Variants in CRISPLD2 observed in about 807,000 individuals in gnomAD.
CRISPLD2 encodes the protein cysteine-rich secretory protein LCCL domain-containing 2.
Under a neutral mutation model 71.1 loss-of-function variants are expected in CRISPLD2, and 47 were observed. The ratio of observed to expected loss-of-function variants is 0.66; its 90% CI spans 0.52 to 0.84. CRISPLD2 has a LOEUF of 0.84. Among genes scored for constraint, CRISPLD2 ranks in the 40% least tolerant of loss-of-function variants. The pLI, the probability that CRISPLD2 is intolerant of heterozygous loss-of-function variation, is 0.00. For missense variants in CRISPLD2, 830 were observed against 651.1 expected, an observed-to-expected ratio of 1.27 and a Z score of -2.99; for synonymous variants, 317 against 250.1, an observed-to-expected ratio of 1.27 and a Z score of -2.52.
At position 84,907,264 on chromosome 16, in the gene CRISPLD2, C is replaced by T. The variant is rs924791956; in HGVS notation, c.*622C>T. 6.2e-6 allele frequency: 1 copy of T among 162,290 alleles called. No homozygotes were observed. The highest frequency in any genetic ancestry group is 6.1e-5 in the Admixed American group (1 of 16,346). 10.1% of individuals were successfully genotyped at this position (162,290 alleles called of 1,614,324 possible). ...ACGTGTCCTTGCTGGCGGCCCGCCACAGGCCCCCTTCAATGGCCGCATTCA... is the reference window on the plus strand; with the variant it reads ...ACGTGTCCTTGCTGGCGGCCCGCCATAGGCCCCCTTCAATGGCCGCATTCA... On this transcript the variant is annotated 3_prime_UTR_variant, in exon 15 of 15. Transcript: ENST00000262424.
At chr16:84,876,104 C>T (rs1050708501) in intron 11 of CRISPLD2, among the ~76,000 whole-genome samples, 2 of 152,220 alleles carry the variant, frequency 1.3e-5, no homozygotes, top group South Asian at 2.1e-4. Context: ...ACCTATTCCA[C>T]ATCATCTATA....
intron 13 of CRISPLD2, among the ~76,000 whole-genome samples, chr16:84,881,210 C>T (rs1295921309): frequency 6.6e-6 from 1 of 152,176 alleles, no homozygotes; most frequent in Non-Finnish European, 1.5e-5. Context: ...TCCCAGCTCT[C>T]CGGATGCATT....
chr16:84,889,752 T>TTGTGTGTGTGTGTG (rs60555979), intron 14 of CRISPLD2, among the ~76,000 whole-genome samples: 1 of 139,216 alleles, frequency 7.2e-6, no homozygotes, highest in Non-Finnish European at 1.6e-5. Flanking sequence ...TTGTTTTTCT[T>TTGTGTGTGTGTGTG]TGTGTGTGTG....
intron 12 of CRISPLD2, among the ~76,000 whole-genome samples, chr16:84,879,150 C>T (rs532918514): frequency 2.0e-5 from 3 of 152,330 alleles, no homozygotes; most frequent in East Asian, 3.9e-4. Flanking sequence ...TGCCTCCGCA[C>T]CACCGTCTTG....
intron 6 of CRISPLD2, among the ~76,000 whole-genome samples, chr16:84,866,362 A>G (rs1917537169): frequency 6.6e-6 from 1 of 151,884 alleles, no homozygotes; most frequent in African/African-American, 2.4e-5. Context: ...GCACCCCCCA[A>G]GTAGCTGGGA....
intron 9 of CRISPLD2, among the ~76,000 whole-genome samples, chr16:84,872,777 C>G (rs560739101): frequency 1.9e-4 from 29 of 152,300 alleles, no homozygotes; most frequent in South Asian, 8.3e-4. Context: ...TGTCACTCTT[C>G]TTAGTTTGTA....
intron 3 of CRISPLD2, 186 bp from the exon 4 acceptor site, chr16:84,849,199 C>T (rs1177292181): frequency 1.7e-6 from 1 of 584,850 alleles, no homozygotes; most frequent in Non-Finnish European, 3.0e-6. Context: ...CGTGGCTGCT[C>T]CTGGAATTGG....
At chr16:84,844,655 T>G (rs12445066) in intron 2 of CRISPLD2, among the ~76,000 whole-genome samples, 120,366 of 151,898 alleles carry the variant, frequency 0.79, 47,782 homozygotes, top group South Asian at 0.83. Flanking sequence ...GAGCCACTGC[T>G]CCGGGCCCAT....
chr16:84,823,765 C>T (rs1463657305), intron 1 of CRISPLD2, among the ~76,000 whole-genome samples: 1 of 152,128 alleles, frequency 6.6e-6, no homozygotes, highest in African/African-American at 2.4e-5. Context: ...ACCACAGAGT[C>T]AGAGGGAAAA....
At chr16:84,839,055 T>A in intron 2 of CRISPLD2, 1 of 432,300 alleles carries the variant, frequency 2.3e-6, no homozygotes, top group East Asian at 5.2e-5. Flanking sequence ...CCAGCTAGAT[T>A]TTAAATATTT....
chr16:84,847,397 A>T (rs1475591872), intron 3 of CRISPLD2, among the ~76,000 whole-genome samples: 1 of 152,204 alleles, frequency 6.6e-6, no homozygotes, highest in Non-Finnish European at 1.5e-5. Flanking sequence ...CATGCCTGTA[A>T]TCCCAGCACT....
intron 6 of CRISPLD2, among the ~76,000 whole-genome samples, chr16:84,863,888 C>T (rs1371733069): frequency 1.5e-5 from 2 of 131,664 alleles, no homozygotes; most frequent in African/African-American, 5.9e-5. Context: ...ACCCGGGCGG[C>T]GGAGGTTGCA....
intron 6 of CRISPLD2, among the ~76,000 whole-genome samples, chr16:84,862,315 A>G (rs1354711759): frequency 6.6e-6 from 1 of 151,964 alleles, no homozygotes; most frequent in South Asian, 2.1e-4. Flanking sequence ...GGATCCTCCC[A>G]TCTCAGCCTC....
chr16:84,845,634 C>T (rs1597454411), intron 2 of CRISPLD2, 152 bp from the exon 3 acceptor site: 3 of 628,456 alleles, frequency 4.8e-6, no homozygotes, highest in South Asian at 1.9e-5. Context: ...GCCTGCCACG[C>T]CCCCCTGGCT....
chr16:84,849,960 A>C (rs1917037752), intron 4 of CRISPLD2, among the ~76,000 whole-genome samples: 1 of 148,880 alleles, frequency 6.7e-6, no homozygotes, highest in African/African-American at 2.5e-5. Flanking sequence ...TCCTGGGCTC[A>C]TGCAATCCTC....
chr16:84,902,228 A>G (rs1471764936), intron 14 of CRISPLD2, among the ~76,000 whole-genome samples: 2 of 152,162 alleles, frequency 1.3e-5, no homozygotes, highest in African/African-American at 2.4e-5. Flanking sequence ...ATCAGGCAAT[A>G]TCCCAAGTAC....
Position 84,873,088 on chromosome 16 carries a change from G to C in CRISPLD2, c.1078G>C (p.Val360Leu), listed in dbSNP as rs201353419. ...ITRNGKVPFF[V>L]KSERHGVQSL... ...CAGGAACGGGAAGGTCCCCTTCTTC[G>C]TGAAGTCTGAGAGACACGGCGTGCA... The change falls in exon 10 of 15, where the codon GTG becomes CTG. Residue 360 changes from valine (V) to leucine (L), a missense_variant. By Grantham distance (32) the Val-to-Leu change is conservative (BLOSUM62 1). Transcript: ENST00000262424. 6.2e-7 allele frequency: 1 copy of C among 1,613,872 alleles called. No individual in the cohort carries two copies. Among genetic ancestry groups the C allele is most frequent in the African/African-American group, 1.3e-5 (1 of 74,886 alleles).
chr16:84,892,239 T>C (rs2641667), intron 14 of CRISPLD2, among the ~76,000 whole-genome samples: 93,869 of 152,092 alleles, frequency 0.62, 30,113 homozygotes, highest in East Asian at 0.87. Flanking sequence ...CCCACCCAGC[T>C]CTGCTGAATC....
At chr16:84,889,190 G>A in intron 13 of CRISPLD2, 40 bp from the exon 14 acceptor site, 1 of 1,613,360 alleles carries the variant, frequency 6.2e-7, no homozygotes, top group African/African-American at 1.3e-5. Flanking sequence ...CCATGAGCTG[G>A]AATCCGCATC....
Sources: allele counts gnomAD v4.1 joint callset (sites outside exome capture counted in the v4.1 genomes callset), GRCh38; gene constraint gnomAD v4.1.1; transcripts MANE v1.5; gene names NCBI Gene and HGNC (gene_info 2026-07-23, HGNC 2026-07-21).